LRRC47: variants seen among roughly 807,000 people sequenced by gnomAD.
LRRC47 encodes the protein leucine-rich repeat-containing protein 47.
Under a neutral mutation model 40.9 loss-of-function variants are expected in LRRC47, and 31 were observed. The observed-to-expected ratio is 0.76, with a 90% CI of 0.57 to 1.02. LRRC47 has a LOEUF of 1.02. LRRC47 is among the 50% of genes least tolerant of loss of function. The probability of loss-of-function intolerance (pLI) is 0.00; values close to 1 mark genes in which losing one functional copy is unlikely to be tolerated. For missense variants in LRRC47, 726 were observed against 796.1 expected (o/e 0.91, Z 1.06); for synonymous variants, 427 against 371.9 (o/e 1.15, Z -1.70).
intron 1 of LRRC47, among the ~76,000 whole-genome samples, chr1:3,792,688 T>A (rs1056078041): frequency 6.6e-6 from 1 of 152,188 alleles, no homozygotes; most frequent in African/African-American, 2.4e-5. Flanking sequence ...CTCGATCTCT[T>A]GACCTCGTGA....
chr1:3,785,030 G>T, intron 3 of LRRC47, 57 bp downstream of exon 3: 1 of 1,337,222 alleles, frequency 7.5e-7, no homozygotes, highest in East Asian at 2.7e-5. Context: ...TAGCAGCATG[G>T]CGTCTTTCGA....
At chr1:3,788,845 T>A (rs1049966080) in intron 1 of LRRC47, among the ~76,000 whole-genome samples, 1 of 152,138 alleles carries the variant, frequency 6.6e-6, no homozygotes, top group Non-Finnish European at 1.5e-5. Flanking sequence ...AGGGCTCGCG[T>A]GCCCTCTGGG....
chr1:3,794,210 T>C (rs965593536), intron 1 of LRRC47, among the ~76,000 whole-genome samples: 4 of 152,118 alleles, frequency 2.6e-5, no homozygotes, highest in South Asian at 2.1e-4. Context: ...ACAATAATAA[T>C]AACAGTAAAA....
Position 3,796,343 on chromosome 1 carries a change from C to T in LRRC47, c.134G>A (p.Arg45Gln). ...GTGCAGCAGCGGCAGGGTGAAAAGCCGCGGCGGCAGCTGCCCACCCGCCGC... is the reference window on the plus strand; with the variant it reads ...GTGCAGCAGCGGCAGGGTGAAAAGCTGCGGCGGCAGCTGCCCACCCGCCGC... ...VRAAGGQLPP[R>Q]LFTLPLLHYL... Residue 45 changes from arginine to glutamine, a missense_variant, in exon 1 of 7, where the codon CGG becomes CAG. Coordinates refer to ENST00000378251, the MANE Select transcript of LRRC47 (RefSeq NM_020710.3). 6.6e-7 allele frequency: 1 copy of T among 1,509,830 alleles called. No individual in the cohort carries two copies. The highest frequency in any genetic ancestry group is 8.8e-7 in the Non-Finnish European group (1 of 1,136,922). 93.5% of individuals were successfully genotyped at this position (1,509,830 alleles called of 1,614,324 possible).
In LRRC47 at chr1:3,780,941, A is replaced by G; in HGVS notation, c.*147T>C. The G allele has an allele frequency of 8.2e-7, 1 of 1,222,538 alleles. No individual in the cohort carries two copies. The highest frequency in any genetic ancestry group is 1.1e-6 in the Non-Finnish European group (1 of 884,360). 75.7% of individuals were successfully genotyped at this position (1,222,538 alleles called of 1,614,324 possible). A position where few individuals can be genotyped will look rare whatever the true frequency, so the allele number is the denominator to read the frequency against. ...CAGTGACTCGAGATCACGCCACTGC[A>G]CTCCAGCCTGGCGACAGAGCGAGAC... On this transcript the variant is annotated 3_prime_UTR_variant, in exon 7 of 7. Coordinates refer to ENST00000378251, the MANE Select transcript of LRRC47 (RefSeq NM_020710.3).
In LRRC47 at chr1:3,780,908, A is replaced by G. The variant is rs3207179; in HGVS notation, c.*180T>C. On this transcript the variant is annotated 3_prime_UTR_variant, in exon 7 of 7. Transcript: ENST00000378251. The stretch of plus-strand genomic sequence containing the variant: ...GGAGAATCGCTTGAACCCAGGAGAC[A>G]CAGGCTGCAGTGACTCGAGATCACG... 4 of 873,956 alleles carry G rather than the reference A, an allele frequency of 4.6e-6. No individual in the cohort carries two copies. Among genetic ancestry groups the G allele is most frequent in the Non-Finnish European group, 5.1e-6 (3 of 586,366 alleles). 54.1% of individuals were successfully genotyped at this position (873,956 alleles called of 1,614,324 possible).
intron 1 of LRRC47, among the ~76,000 whole-genome samples, chr1:3,789,809 C>T (rs919227634): frequency 3.9e-5 from 6 of 152,200 alleles, no homozygotes; most frequent in African/African-American, 1.2e-4. Flanking sequence ...CTGACGAGGT[C>T]GCACGCTGGC....
intron 1 of LRRC47, among the ~76,000 whole-genome samples, chr1:3,788,457 T>C (rs9424282): frequency 0.42 from 63,670 of 151,950 alleles, 14,786 homozygotes; most frequent in East Asian, 0.65. Flanking sequence ...GAGTCCTAGT[T>C]ACACTGGGTG....
chr1:3,780,405 C>T lies in LRRC47; in HGVS notation c.*683G>A, dbSNP rs911756439. 6.6e-6 allele frequency: 1 copy of T among 152,070 alleles called. No individual in the cohort carries two copies. Among genetic ancestry groups the T allele is most frequent in the Non-Finnish European group, 1.5e-5 (1 of 67,996 alleles). The allele number at this position is 152,070 out of a possible 1,614,324, so 9.4% of individuals were successfully genotyped here. On this transcript the variant is annotated 3_prime_UTR_variant, in exon 7 of 7. Transcript: ENST00000378251. ...CTGTCAGGTAAGTGTCCGTCACTGA[C>T]CCAGACGCTGTTACGTGGCACATGA...
chr1:3,796,253 G>A lies in LRRC47; in HGVS notation c.224C>T (p.Pro75Leu). 1.4e-6 allele frequency: 2 copies of A among 1,458,652 alleles called. No homozygotes were observed. Among genetic ancestry groups the A allele is most frequent in the Non-Finnish European group, 1.8e-6 (2 of 1,114,632 alleles). The allele number at this position is 1,458,652 out of a possible 1,614,324, so 90.4% of individuals were successfully genotyped here. A position where few individuals can be genotyped will look rare whatever the true frequency, so the allele number is the denominator to read the frequency against. Reference sequence around the variant, plus strand: ...CCGCAGCACGAGGCTGTGCAGCTGCGGCAGGCCCTGCGCCAGGCCAGGCCC... The same window carrying A: ...CCGCAGCACGAGGCTGTGCAGCTGCAGCAGGCCCTGCGCCAGGCCAGGCCC... ...APGPGLAQGL[P>L]QLHSLVLRRN... The change falls in exon 1 of 7, where the codon CCG (proline) becomes CTG (leucine). Residue 75 changes from proline to leucine, a missense_variant. Pro to Leu is a moderately conservative substitution (Grantham distance 98, BLOSUM62 -3). Transcript: ENST00000378251.
intron 4 of LRRC47, 199 bp from the exon 5 acceptor site, chr1:3,782,962 G>A: frequency 1.7e-6 from 1 of 586,194 alleles, no homozygotes; most frequent in African/African-American, 1.9e-5. Context: ...TCCTGGGAGT[G>A]GAGGACCACC....
chr1:3,784,294 C>G (rs1035131167), intron 3 of LRRC47, 183 bp from the exon 4 acceptor site: 1 of 590,014 alleles, frequency 1.7e-6, no homozygotes. Flanking sequence ...GCCACTGCAG[C>G]GTCCCGGGGA....
chr1:3,785,914 G>GCAA (rs1643567858), intron 2 of LRRC47, among the ~76,000 whole-genome samples: 2 of 150,006 alleles, frequency 1.3e-5, no homozygotes, highest in Non-Finnish European at 2.9e-5. Flanking sequence ...GTGTCACCCA[G>GCAA]GCTGGAATGC....
At chr1:3,781,660 G>A (rs17411384) in intron 5 of LRRC47, 59 bp from the exon 6 acceptor site, 32 of 1,340,528 alleles carry the variant, frequency 2.4e-5, no homozygotes, top group African/African-American at 1.2e-4. Context: ...ATCAGCAACT[G>A]CAACATTTGT....
rs938303938 is a variant in LRRC47 at position 3,792,979 on chromosome 1, C to T, written c.615+2883G>A. 6.6e-5 allele frequency among the ~76,000 whole-genome samples: 10 copies of T among 152,270 alleles called. 1 individual carries two copies. In the South Asian group the frequency reaches 2.1e-3, roughly 32 times the overall value. On this transcript the variant is annotated intron_variant, in intron 1 of 6. Transcript: ENST00000378251. ...GAGGGATGCCTACAGCCCTGAGGAC[C>T]AAGGAAAATGCCAGTGAACTCGCCT...
At chr1:3,785,636 G>A (rs551668676) in intron 2 of LRRC47, 6 of 152,452 alleles carry the variant, frequency 3.9e-5, no homozygotes, top group South Asian at 4.1e-4. Context: ...CTGCCACTGC[G>A]GGGCGCACGA....
chr1:3,784,998 A>AG, intron 3 of LRRC47, 89 bp downstream of exon 3: 1 of 1,024,196 alleles, frequency 9.8e-7, no homozygotes, highest in Non-Finnish European at 1.4e-6. Flanking sequence ...ATCTCCAAAA[A>AG]AAAAAAAAGT....
chr1:3,795,933 T>C lies in LRRC47; in HGVS notation c.544A>G (p.Ser182Gly), dbSNP rs1210958532. 2 of 1,602,218 alleles carry C rather than the reference T, an allele frequency of 1.2e-6. No individual in the cohort carries two copies. Among genetic ancestry groups the C allele is most frequent in the South Asian group, 1.1e-5 (1 of 89,708 alleles). The change falls in exon 1 of 7, where the codon AGT becomes GGT. Residue 182 changes from serine (S) to glycine (G), a missense_variant. Coordinates refer to ENST00000378251, the MANE Select transcript of LRRC47 (RefSeq NM_020710.3). Reference sequence around the variant, plus strand: ...CAGTTGTCAGCAGCCGCCAGTTCACTGAGCAGGGGCAGCGCGCCGGGGCGA... The same window carrying C: ...CAGTTGTCAGCAGCCGCCAGTTCACCGAGCAGGGGCAGCGCGCCGGGGCGA... ...LFRPGALPLL[S>G]ELAAADNCLR...
In LRRC47 at chr1:3,796,439, A is replaced by T; in HGVS notation, c.38T>A (p.Leu13Gln). Reference sequence around the variant, plus strand: ...CCGCCGCTCGCGCTCAGCCAGCTCCAGCTCCGGCCAAGACTCTGACACCGC... The same window carrying T: ...CCGCCGCTCGCGCTCAGCCAGCTCCTGCTCCGGCCAAGACTCTGACACCGC... ...AAAVSESWPE[L>Q]ELAERERRRE... Residue 13 changes from leucine (L) to glutamine (Q), a missense_variant, in exon 1 of 7, where the codon CTG becomes CAG. Transcript: ENST00000378251. The T allele has an allele frequency of 6.6e-7, 1 of 1,522,612 alleles. No individual in the cohort carries two copies. The highest frequency in any genetic ancestry group is 8.7e-7 in the Non-Finnish European group (1 of 1,143,228). 94.3% of individuals were successfully genotyped at this position (1,522,612 alleles called of 1,614,324 possible).
Sources: gnomAD v4.1 joint callset for allele counts (sites outside exome capture counted in the v4.1 genomes callset) on GRCh38, gnomAD v4.1.1 for gene constraint, MANE v1.5 for transcripts, NCBI Gene and HGNC (gene_info 2026-07-23, HGNC 2026-07-21) for gene names.